ADGRL3: variants seen among roughly 807,000 people sequenced by gnomAD.
The protein encoded by ADGRL3 is calcium-independent alpha-latrotoxin receptor 3.
A neutral mutation model predicts 153.5 loss-of-function variants in ADGRL3; 62 were observed. That is an observed-to-expected ratio of 0.40 (90% CI 0.33 to 0.50). The LOEUF (loss-of-function observed/expected upper bound fraction) is 0.50. Ranked by LOEUF, ADGRL3 falls within the 20% of genes least tolerant of loss-of-function variation. The probability of loss-of-function intolerance (pLI) is 0.47; values close to 1 mark genes in which losing one functional copy is unlikely to be tolerated. For missense variants in ADGRL3, 1,641 were observed against 1,859.4 expected, an observed-to-expected ratio of 0.88 and a Z score of 2.16; for synonymous variants, 710 against 672.5, an observed-to-expected ratio of 1.06 and a Z score of -0.86.
At chr4:61,790,190 C>A (rs1410824360) in intron 8 of ADGRL3, among the ~76,000 whole-genome samples, 4 of 152,072 alleles carry the variant, frequency 2.6e-5, no homozygotes, top group South Asian at 2.1e-4. Context: ...TATTTAAATT[C>A]TTGGTTTTAA....
At chr4:61,246,974 T>A (rs926864462) in intron 1 of ADGRL3, among the ~76,000 whole-genome samples, 1 of 152,052 alleles carries the variant, frequency 6.6e-6, no homozygotes, top group Admixed American at 6.6e-5. Flanking sequence ...ACAACACAAA[T>A]TGAATGCTAC....
At chr4:61,528,085 A>G (rs1434704726) in intron 4 of ADGRL3, among the ~76,000 whole-genome samples, 2 of 152,142 alleles carry the variant, frequency 1.3e-5, no homozygotes, top group African/African-American at 4.8e-5. Context: ...CGGCTGTCCA[A>G]TCATGACTCA....
intron 15 of ADGRL3, among the ~76,000 whole-genome samples, chr4:61,939,800 G>A (rs1348872009): frequency 2.6e-5 from 4 of 151,992 alleles, no homozygotes; most frequent in African/African-American, 9.6e-5. Context: ...TCATATAACT[G>A]GTATCATACA....
chr4:61,748,336 T>C (rs2096701504), intron 8 of ADGRL3, among the ~76,000 whole-genome samples: 1 of 152,096 alleles, frequency 6.6e-6, no homozygotes, highest in African/African-American at 2.4e-5. Flanking sequence ...AATGACTTTC[T>C]CCACAGAACT....
At chr4:61,902,240 G>A (rs1408130263) in intron 11 of ADGRL3, among the ~76,000 whole-genome samples, 1 of 152,136 alleles carries the variant, frequency 6.6e-6, no homozygotes, top group African/African-American at 2.4e-5. Flanking sequence ...CCACCGTGGA[G>A]TTAGGAAAAC....
At position 61,778,691 on chromosome 4, in the gene ADGRL3, G is replaced by T. The variant is rs372750145; in HGVS notation, c.1400-35118G>T. On this transcript the variant is annotated intron_variant, in intron 8 of 26. Transcript: ENST00000683033. ...TTAATATTAACCATTAGTATTGACA[G>T]CCTAATATTGAGTGAATCCTTTTGA... Among the ~76,000 whole-genome samples the T allele has an allele frequency of 4.1e-4, 62 of 152,232 alleles. 1 individual carries two copies. Among genetic ancestry groups the T allele is most frequent in the African/African-American group, 1.4e-3 (60 of 41,546 alleles).
chr4:61,866,590 CT>C (rs2098401714), intron 9 of ADGRL3, among the ~76,000 whole-genome samples: 1 of 152,158 alleles, frequency 6.6e-6, no homozygotes, highest in African/African-American at 2.4e-5. Flanking sequence ...CTACTTCATT[CT>C]CTTGCTTCCT....
chr4:61,809,727 A>C (rs2148561008), intron 8 of ADGRL3, among the ~76,000 whole-genome samples: 1 of 151,864 alleles, frequency 6.6e-6, no homozygotes, highest in Non-Finnish European at 1.5e-5. Context: ...ATGGACTCTC[A>C]TTTATTATGG....
intron 21 of ADGRL3, among the ~76,000 whole-genome samples, chr4:62,010,177 C>T (rs73222043): frequency 6.4e-4 from 98 of 152,192 alleles, no homozygotes; most frequent in African/African-American, 2.2e-3. Flanking sequence ...CTCCAGCCCC[C>T]GTTTTTTCCC....
intron 4 of ADGRL3, among the ~76,000 whole-genome samples, chr4:61,552,922 T>C (rs2098746946): frequency 6.6e-6 from 1 of 152,192 alleles, no homozygotes; most frequent in African/African-American, 2.4e-5. Context: ...GTCTATTCCA[T>C]AAATATTTAT....
chr4:61,575,225 T>A lies in ADGRL3; in HGVS notation c.260-12002T>A, dbSNP rs887908077. On this transcript the variant is annotated intron_variant, in intron 4 of 26. Coordinates refer to ENST00000683033, the MANE Select transcript of ADGRL3 (RefSeq NM_001387552.1). Reference sequence around the variant, plus strand: ...ATTGATTCAAGTAAATGTCTGTTTTTAATAATATGTTTTCAGCTTCCTCTA... The same window carrying A: ...ATTGATTCAAGTAAATGTCTGTTTTAAATAATATGTTTTCAGCTTCCTCTA... 1.7e-4 allele frequency among the ~76,000 whole-genome samples: 26 copies of A among 152,144 alleles called. 1 individual carries two copies. Among genetic ancestry groups the A allele is most frequent in the African/African-American group, 6.0e-4 (25 of 41,568 alleles).
intron 5 of ADGRL3, among the ~76,000 whole-genome samples, chr4:61,653,048 C>T (rs538654651): frequency 1.2e-4 from 18 of 151,838 alleles, no homozygotes; most frequent in Admixed American, 8.5e-4. Context: ...TTAACCTTAA[C>T]TTATTTAAGG....
intron 2 of ADGRL3, among the ~76,000 whole-genome samples, chr4:61,424,897 C>T (rs559744141): frequency 9.2e-5 from 14 of 152,186 alleles, no homozygotes; most frequent in African/African-American, 2.9e-4. Context: ...AAAGTGGGAA[C>T]GTAGCACCTC....
intron 1 of ADGRL3, among the ~76,000 whole-genome samples, chr4:61,380,053 T>G (rs1001278722): frequency 6.6e-6 from 1 of 151,960 alleles, no homozygotes; most frequent in Non-Finnish European, 1.5e-5. Flanking sequence ...GCCAAAAAAG[T>G]AAGAATTTTA....
In ADGRL3 at chr4:61,598,120, A is replaced by G. The variant is rs187994130; in HGVS notation, c.473+10680A>G. Among the ~76,000 whole-genome samples the G allele has an allele frequency of 4.6e-5, 7 of 152,226 alleles. No individual in the cohort carries two copies. In the East Asian group the frequency reaches 1.4e-3, roughly 29 times the overall value. On this transcript the variant is annotated intron_variant, in intron 5 of 26. Coordinates refer to ENST00000683033, the MANE Select transcript of ADGRL3 (RefSeq NM_001387552.1). The stretch of plus-strand genomic sequence containing the variant: ...CTAAAGCAAACATAGAGCCCTTCAA[A>G]TGGTTTATAGTAAGTTAGCATTTCC...
chr4:61,660,049 AAC>A (rs2094550675), intron 5 of ADGRL3, among the ~76,000 whole-genome samples: 2 of 152,174 alleles, frequency 1.3e-5, no homozygotes, highest in African/African-American at 4.8e-5. Flanking sequence ...ATTTGTGTGG[AAC>A]ACACCTTAAC....
At chr4:62,067,750 AAAATT>A (rs971521245) in intron 25 of ADGRL3, among the ~76,000 whole-genome samples, 10 of 152,104 alleles carry the variant, frequency 6.6e-5, no homozygotes, top group Admixed American at 2.0e-4. Flanking sequence ...GAAAAAATTT[AAAATT>A]AAATAACATT....
chr4:61,935,848 C>T, intron 14 of ADGRL3, 75 bp from the exon 15 acceptor site: 1 of 1,322,594 alleles, frequency 7.6e-7, no homozygotes, highest in East Asian at 2.6e-5. Context: ...TTCAGAAATA[C>T]TGCAATGGTT....
chr4:61,803,789 C>T (rs1002236729), intron 8 of ADGRL3, among the ~76,000 whole-genome samples: 2 of 152,092 alleles, frequency 1.3e-5, no homozygotes, highest in African/African-American at 4.8e-5. Flanking sequence ...CAATCAAACT[C>T]TATACTGTTA....
Sources: allele counts gnomAD v4.1 joint callset (sites outside exome capture counted in the v4.1 genomes callset), GRCh38; gene constraint gnomAD v4.1.1; transcripts MANE v1.5; gene names NCBI Gene and HGNC (gene_info 2026-07-23, HGNC 2026-07-21).